SAMD12: variants seen among roughly 807,000 people sequenced by gnomAD.
SAMD12 encodes sterile alpha motif domain containing 12.
SAMD12 carries 9 observed loss-of-function variants against 15.0 expected under a neutral mutation model. The ratio of observed to expected loss-of-function variants is 0.60; its 90% CI spans 0.36 to 1.05. The LOEUF (loss-of-function observed/expected upper bound fraction) is 1.05, where lower values mean the gene tolerates loss of function less well. Among genes scored for constraint, SAMD12 ranks in the 50% least tolerant of loss-of-function variants. SAMD12 has a pLI of 0.01. For synonymous variants in SAMD12, 86 were observed against 90.1 expected, an observed-to-expected ratio of 0.96 and a Z score of 0.25; for missense variants, 230 against 234.2, an observed-to-expected ratio of 0.98 and a Z score of 0.12.
At chr8:118,403,944 G>A (rs1227071423) in intron 3 of SAMD12, among the ~76,000 whole-genome samples, 3 of 152,280 alleles carry the variant, frequency 2.0e-5, no homozygotes, top group Middle Eastern at 3.4e-3. Context: ...AGCAATATAA[G>A]TCTCAGTGTC....
intron 4 of SAMD12, among the ~76,000 whole-genome samples, chr8:118,214,494 T>C (rs1811909952): frequency 6.6e-6 from 1 of 152,230 alleles, no homozygotes; most frequent in African/African-American, 2.4e-5. Context: ...TTTCATCTTG[T>C]AGTGTGATGT....
chr8:118,281,313 G>C (rs1202310038), intron 4 of SAMD12, among the ~76,000 whole-genome samples: 1 of 152,202 alleles, frequency 6.6e-6, no homozygotes, highest in Non-Finnish European at 1.5e-5. Flanking sequence ...AATTGTAGCA[G>C]TGCATGTGTC....
chr8:118,452,780 T>C (rs1823121532), intron 2 of SAMD12, among the ~76,000 whole-genome samples: 1 of 152,226 alleles, frequency 6.6e-6, no homozygotes. Context: ...CCATCTCTTC[T>C]GACTGGAAAC....
chr8:118,445,400 C>T (rs1305601904), intron 2 of SAMD12, among the ~76,000 whole-genome samples: 1 of 152,086 alleles, frequency 6.6e-6, no homozygotes, highest in African/African-American at 2.4e-5. Context: ...CATGCTGTTT[C>T]CCGAATGGTC....
intron 4 of SAMD12, among the ~76,000 whole-genome samples, chr8:118,250,041 C>T (rs1168298045): frequency 6.6e-6 from 1 of 152,106 alleles, no homozygotes; most frequent in Non-Finnish European, 1.5e-5. Context: ...TCACCTGGGT[C>T]TTCACTTAGA....
At chr8:118,500,614 C>T (rs527671915) in intron 2 of SAMD12, among the ~76,000 whole-genome samples, 1 of 151,878 alleles carries the variant, frequency 6.6e-6, no homozygotes, top group East Asian at 2.0e-4. Flanking sequence ...AAGGCCAGCC[C>T]GGTTACCATA....
At chr8:118,543,996 T>C (rs1021094528) in intron 2 of SAMD12, among the ~76,000 whole-genome samples, 1 of 152,190 alleles carries the variant, frequency 6.6e-6, no homozygotes, top group Non-Finnish European at 1.5e-5. Context: ...TCTCTCTGCA[T>C]ATAGAACAAA....
exon 5 of SAMD12, chr8:118,189,676 C>T (rs964435636): frequency 5.9e-5 from 9 of 151,896 alleles, no homozygotes; most frequent in Non-Finnish European, 1.3e-4. Flanking sequence ...TTGAGGACAA[C>T]TGGAAACAGA....
intron 4 of SAMD12, among the ~76,000 whole-genome samples, chr8:118,355,316 C>A (rs1204239778): frequency 2.0e-5 from 3 of 152,142 alleles, no homozygotes; most frequent in African/African-American, 2.4e-5. Context: ...TGTTCTCACT[C>A]ATAAGTGGGA....
chr8:118,207,669 A>T (rs1217592343), intron 4 of SAMD12, among the ~76,000 whole-genome samples: 1 of 152,190 alleles, frequency 6.6e-6, no homozygotes. Flanking sequence ...TGTCAACTGT[A>T]TGAATAAGTG....
rs1274354980 is a variant in SAMD12, at chr8:118,493,350, ACTCTAAACATTCTTT to A, written c.193-53404_193-53390del. On this transcript the variant is annotated intron_variant, in intron 2 of 3. Coordinates refer to ENST00000314727, the MANE Select transcript of SAMD12 (RefSeq NM_207506.3). ...CCTCATCAGCTCTCACCAGCACAAA[ACTCTAAACATTCTTT>A]CCTTTCACTGGCCTACTTTTGCTTC... 2.6e-5 allele frequency among the ~76,000 whole-genome samples: 4 copies of A among 151,960 alleles called. No individual in the cohort carries two copies. The East Asian group carries it at 7.7e-4, about 29-fold the overall frequency.
At chr8:118,586,814 A>G (rs1410704718) in intron 1 of SAMD12, among the ~76,000 whole-genome samples, 3 of 152,222 alleles carry the variant, frequency 2.0e-5, no homozygotes, top group East Asian at 1.9e-4. Flanking sequence ...TAGGTGCTCA[A>G]TCATTGTTTA....
At chr8:118,266,766 T>C (rs573213609) in intron 4 of SAMD12, among the ~76,000 whole-genome samples, 1 of 152,182 alleles carries the variant, frequency 6.6e-6, no homozygotes, top group East Asian at 1.9e-4. Context: ...TCTCTCTTAT[T>C]TGTGGAATTA....
intron 4 of SAMD12, among the ~76,000 whole-genome samples, chr8:118,209,945 T>G (rs1030727531): frequency 1.3e-5 from 2 of 152,144 alleles, no homozygotes; most frequent in African/African-American, 4.8e-5. Flanking sequence ...TGGGATCACC[T>G]CTCAGCCAAG....
exon 5 of SAMD12, chr8:118,191,870 T>C (rs922627636): frequency 8.5e-6 from 1 of 117,834 alleles, no homozygotes; most frequent in African/African-American, 3.0e-5. Context: ...GTAGAACTGA[T>C]TTAGGGATCA....
intron 4 of SAMD12, among the ~76,000 whole-genome samples, chr8:118,324,371 C>T (rs1047240325): frequency 4.6e-5 from 7 of 152,156 alleles, no homozygotes; most frequent in Admixed American, 1.3e-4. Context: ...TTATAAATGT[C>T]ACAATTTTTC....
intron 2 of SAMD12, among the ~76,000 whole-genome samples, chr8:118,530,044 GTT>G (rs1563911495): frequency 1.3e-5 from 2 of 152,102 alleles, no homozygotes; most frequent in Admixed American, 1.3e-4. Context: ...AACATCTGTT[GTT>G]GACTTCTGAG....
At chr8:118,163,244 T>C in the SAMD12 span, among the ~76,000 whole-genome samples, 1 of 152,232 alleles carries the variant, frequency 6.6e-6, no homozygotes, top group East Asian at 1.9e-4. Flanking sequence ...CATACCTGGC[T>C]AACTTTTATA....
chr8:118,213,552 A>T (rs917595360), intron 4 of SAMD12, among the ~76,000 whole-genome samples: 1 of 152,202 alleles, frequency 6.6e-6, no homozygotes, highest in Non-Finnish European at 1.5e-5. Context: ...GGAAAAAATA[A>T]GAGGTCCCTG....
Sources: allele counts gnomAD v4.1 joint callset (sites outside exome capture counted in the v4.1 genomes callset), GRCh38; gene constraint gnomAD v4.1.1; transcripts MANE v1.5; gene names NCBI Gene and HGNC (gene_info 2026-07-23, HGNC 2026-07-21).